The following NBAS variants were observed in gnomAD, a reference collection of about 807,000 sequenced individuals.
NBAS encodes NBAS subunit of NRZ tethering complex.
Under a neutral mutation model 302.5 loss-of-function variants are expected in NBAS, and 219 were observed. That is an observed-to-expected ratio of 0.72 (90% confidence interval 0.65 to 0.81). The LOEUF is 0.81. Ranked by LOEUF, NBAS falls within the 30% of genes least tolerant of loss-of-function variation. The pLI is 0.00. For synonymous variants in NBAS, 1,118 were observed against 1,021.6 expected, an observed-to-expected ratio of 1.09 and a Z score of -1.80; for missense variants, 2,932 against 2,841.6, an observed-to-expected ratio of 1.03 and a Z score of -0.72.
At chr2:15,399,713 T>C (rs1271415319) in intron 26 of NBAS, among the ~76,000 whole-genome samples, 2 of 152,188 alleles carry the variant, frequency 1.3e-5, no homozygotes, top group East Asian at 3.8e-4. Flanking sequence ...AGGTTATGAA[T>C]TTCCAGAATG....
At chr2:14,903,293 T>G in the NBAS span, among the ~76,000 whole-genome samples, 1 of 147,082 alleles carries the variant, frequency 6.8e-6, no homozygotes, top group African/African-American at 2.5e-5. Flanking sequence ...ACATGCTACA[T>G]CCAGACTTTT....
chr2:15,225,790 C>G (rs928941849), intron 47 of NBAS, among the ~76,000 whole-genome samples: 2 of 152,106 alleles, frequency 1.3e-5, no homozygotes, highest in African/African-American at 4.8e-5. Context: ...GCTATAAATC[C>G]TTTTGAGAAT....
chr2:15,140,555 G>T, the NBAS span, among the ~76,000 whole-genome samples: 2 of 152,148 alleles, frequency 1.3e-5, no homozygotes, highest in South Asian at 2.1e-4. Context: ...TTTGTTCAGG[G>T]TTATATAAAA....
chr2:15,265,924 T>C (rs574259620), intron 44 of NBAS, among the ~76,000 whole-genome samples: 1 of 152,224 alleles, frequency 6.6e-6, no homozygotes, highest in Non-Finnish European at 1.5e-5. Context: ...ACCATGCAAA[T>C]TCTAAGGACA....
intron 9 of NBAS, among the ~76,000 whole-genome samples, chr2:15,514,338 G>GA (rs1185725301): frequency 3.3e-5 from 5 of 152,078 alleles, no homozygotes; most frequent in Middle Eastern, 3.4e-3. Flanking sequence ...CATTTGATAG[G>GA]AAAAAAATCC....
chr2:15,409,089 T>G, intron 25 of NBAS, among the ~76,000 whole-genome samples: 1 of 152,360 alleles, frequency 6.6e-6, no homozygotes. Context: ...AGGTTAATTT[T>G]CCTTGACATT....
At chr2:14,842,753 T>C in the NBAS span, among the ~76,000 whole-genome samples, 1 of 151,018 alleles carries the variant, frequency 6.6e-6, no homozygotes, top group African/African-American at 2.4e-5. Context: ...TAAGAATAAT[T>C]CTACTCAGAC....
the NBAS span, among the ~76,000 whole-genome samples, chr2:15,027,590 C>T: frequency 3.4e-3 from 524 of 152,026 alleles, 6 homozygotes; most frequent in African/African-American, 0.012. Context: ...TATAGTTTTA[C>T]TTCTTCTTTC....
At chr2:14,957,435 G>T in the NBAS span, among the ~76,000 whole-genome samples, 28 of 152,070 alleles carry the variant, frequency 1.8e-4, no homozygotes, top group Non-Finnish European at 3.2e-4. Context: ...TTTCCCAAGC[G>T]CATTTTATCA....
rs1374950066 is a variant in NBAS at position 15,238,672 on chromosome 2, G to T, written c.5739C>A (p.Ala1913=). The T allele has an allele frequency of 2.5e-6, 4 of 1,585,116 alleles. No homozygotes were observed. In the South Asian group the frequency reaches 4.5e-5, roughly 18 times the overall value. ...PKAVTKLSVE[A]RKEMTRKAIK... ...TAGCCTTTCTAGTCATCTCTTTACG[G>T]GCTTCCACAGACAGCTTAAAAAAAA... The change falls in exon 45 of 52, where the codon GCC becomes GCA. Residue 1913 remains alanine, a synonymous_variant. Transcript: ENST00000281513.
chr2:14,902,095 A>G, the NBAS span, among the ~76,000 whole-genome samples: 1 of 152,174 alleles, frequency 6.6e-6, no homozygotes, highest in African/African-American at 2.4e-5. Flanking sequence ...CTTAGTTCGT[A>G]TAGCAATCAT....
chr2:15,064,347 AT>A, the NBAS span, among the ~76,000 whole-genome samples: 1 of 151,876 alleles, frequency 6.6e-6, no homozygotes. Flanking sequence ...ATTACAACTA[AT>A]ACAACTAAAA....
the NBAS span, among the ~76,000 whole-genome samples, chr2:14,954,654 G>T: frequency 9.9e-5 from 15 of 152,166 alleles, no homozygotes; most frequent in African/African-American, 3.6e-4. Flanking sequence ...CATGGCAGAA[G>T]GGGAAGAAAA....
intron 45 of NBAS, among the ~76,000 whole-genome samples, chr2:15,236,215 G>GT (rs1022606745): frequency 1.7e-4 from 26 of 152,116 alleles, no homozygotes; most frequent in Admixed American, 1.2e-3. Context: ...AAACAAACAT[G>GT]TTTTTTATCA....
chr2:15,196,633 C>A (rs545290821), intron 48 of NBAS, among the ~76,000 whole-genome samples: 4 of 152,150 alleles, frequency 2.6e-5, no homozygotes, highest in East Asian at 1.9e-4. Flanking sequence ...AAGCAGAATA[C>A]AATTTGAGGG....
chr2:15,457,767 A>C (rs1236896159), intron 21 of NBAS, among the ~76,000 whole-genome samples: 1 of 152,234 alleles, frequency 6.6e-6, no homozygotes, highest in Non-Finnish European at 1.5e-5. Flanking sequence ...CTGAAAATGA[A>C]TATCAAGTAT....
At chr2:14,977,809 C>T in the NBAS span, among the ~76,000 whole-genome samples, 3 of 152,162 alleles carry the variant, frequency 2.0e-5, no homozygotes, top group Non-Finnish European at 2.9e-5. Context: ...ATGATGCTCT[C>T]CTCTCAGGAT....
the NBAS span, among the ~76,000 whole-genome samples, chr2:14,979,055 G>A: frequency 6.6e-6 from 1 of 152,152 alleles, no homozygotes. Context: ...GTGAGTCACT[G>A]TTTATCTGTC....
chr2:15,123,575 T>A, the NBAS span, among the ~76,000 whole-genome samples: 1 of 152,164 alleles, frequency 6.6e-6, no homozygotes, highest in African/African-American at 2.4e-5. Flanking sequence ...CTTAGCACCA[T>A]CTCCTTGGTG....
Sources: allele counts gnomAD v4.1 joint callset (sites outside exome capture counted in the v4.1 genomes callset), GRCh38; gene constraint gnomAD v4.1.1; transcripts MANE v1.5; gene names NCBI Gene and HGNC (gene_info 2026-07-23, HGNC 2026-07-21).